BNC2: variants seen among roughly 807,000 people sequenced by gnomAD.
BNC2 encodes basonuclin zinc finger protein 2, also known as zinc finger protein basonuclin-2.
BNC2 carries 20 observed loss-of-function variants against 76.3 expected under a neutral mutation model. The ratio of observed to expected loss-of-function variants is 0.26; its 90% CI spans 0.18 to 0.38. The LOEUF (loss-of-function observed/expected upper bound fraction) is 0.38. Ranked by LOEUF, BNC2 falls within the 10% of genes least tolerant of loss-of-function variation. The pLI is 1.00. For synonymous variants in BNC2, 582 were observed against 514.8 expected (o/e 1.13, Z -1.77); for missense variants, 1,382 against 1,399.8 (o/e 0.99, Z 0.20).
intron 5 of BNC2, among the ~76,000 whole-genome samples, chr9:16,512,902 G>GA (rs1384247132): frequency 6.7e-6 from 1 of 148,594 alleles, no homozygotes; most frequent in Non-Finnish European, 1.5e-5. Flanking sequence ...TTGGGAGGCT[G>GA]AGGGGGGAAG....
intron 1 of BNC2, among the ~76,000 whole-genome samples, chr9:16,853,609 G>A (rs1243038325): frequency 6.6e-6 from 1 of 152,062 alleles, no homozygotes; most frequent in Non-Finnish European, 1.5e-5. Flanking sequence ...GCTCGCGCCT[G>A]CAATCCCACC....
At chr9:16,638,452 G>C (rs1221040868) in intron 3 of BNC2, among the ~76,000 whole-genome samples, 2 of 152,046 alleles carry the variant, frequency 1.3e-5, no homozygotes, top group Non-Finnish European at 2.9e-5. Flanking sequence ...TAACTGTCCA[G>C]CATTAAGAAA....
intron 3 of BNC2, among the ~76,000 whole-genome samples, chr9:16,652,221 T>C (rs1476962642): frequency 1.3e-5 from 2 of 152,344 alleles, no homozygotes; most frequent in East Asian, 1.9e-4. Context: ...AAATAATTAA[T>C]TGAGTCATTG....
chr9:16,755,905 T>C (rs983767770), intron 1 of BNC2, among the ~76,000 whole-genome samples: 19 of 152,336 alleles, frequency 1.2e-4, no homozygotes, highest in African/African-American at 4.6e-4. Flanking sequence ...TCTGAGTCCT[T>C]ACTCTAACCT....
At chr9:16,439,334 T>C (rs1309515042) in intron 5 of BNC2, among the ~76,000 whole-genome samples, 3 of 152,158 alleles carry the variant, frequency 2.0e-5, no homozygotes, top group African/African-American at 4.8e-5. Flanking sequence ...AAACAGTAGA[T>C]AGTACTCTTC....
chr9:16,807,536 G>T (rs1278070929), intron 1 of BNC2, among the ~76,000 whole-genome samples: 1 of 152,124 alleles, frequency 6.6e-6, no homozygotes, highest in Admixed American at 6.5e-5. Flanking sequence ...AATGAAGAAA[G>T]AAAATGAGAA....
chr9:16,614,417 C>T (rs190601576), intron 3 of BNC2, among the ~76,000 whole-genome samples: 2 of 150,650 alleles, frequency 1.3e-5, no homozygotes, highest in Admixed American at 1.3e-4. Context: ...ACTGTGATTG[C>T]TTTTGTTTTA....
chr9:16,696,118 C>A (rs1049395356), intron 3 of BNC2, among the ~76,000 whole-genome samples: 27 of 152,162 alleles, frequency 1.8e-4, no homozygotes, highest in African/African-American at 6.5e-4. Context: ...TGCAATAACC[C>A]TTTAGCAATA....
At chr9:16,848,846 T>C (rs944768437) in intron 1 of BNC2, among the ~76,000 whole-genome samples, 2 of 152,194 alleles carry the variant, frequency 1.3e-5, no homozygotes, top group African/African-American at 4.8e-5. Flanking sequence ...CCTGACACCA[T>C]TGCTTTCTGA....
rs189025708 is a variant in BNC2 at position 16,604,000 on chromosome 9, A to G, written c.331-20915T>C. Among the ~76,000 whole-genome samples, 1,135 of 152,314 alleles carry G rather than the reference A, an allele frequency of 7.5e-3. 16 individuals are homozygous for G. Among genetic ancestry groups the G allele is most frequent in the Middle Eastern group, 0.031 (9 of 294 alleles). On this transcript the variant is annotated intron_variant, in intron 3 of 6. Coordinates refer to ENST00000380672, the MANE Select transcript of BNC2 (RefSeq NM_017637.6). Reference sequence around the variant, plus strand: ...TACAAAAGAATGTAAACTCTAGTAAATAAAACTTTACATGAGTTTGTATAC... The same window carrying G: ...TACAAAAGAATGTAAACTCTAGTAAGTAAAACTTTACATGAGTTTGTATAC...
chr9:16,858,032 T>C (rs938710560), intron 1 of BNC2, among the ~76,000 whole-genome samples: 1 of 152,226 alleles, frequency 6.6e-6, no homozygotes, highest in African/African-American at 2.4e-5. Flanking sequence ...TATACCAGAT[T>C]TGAACATGGT....
At chr9:16,684,250 T>C (rs1822910945) in intron 3 of BNC2, among the ~76,000 whole-genome samples, 1 of 152,152 alleles carries the variant, frequency 6.6e-6, no homozygotes, top group Admixed American at 6.5e-5. Context: ...AGGTCAAGGA[T>C]CAGACTACTC....
intron 5 of BNC2, among the ~76,000 whole-genome samples, chr9:16,540,467 G>A (rs1269093697): frequency 6.6e-6 from 1 of 152,094 alleles, no homozygotes; most frequent in Non-Finnish European, 1.5e-5. Context: ...TTGGGCACAT[G>A]AGTATAGGGT....
At chr9:16,421,784 T>C (rs1399091406) in intron 6 of BNC2, among the ~76,000 whole-genome samples, 1 of 152,218 alleles carries the variant, frequency 6.6e-6, no homozygotes, top group Non-Finnish European at 1.5e-5. Flanking sequence ...TACAAGAATG[T>C]GGAAGTAGAG....
At chr9:16,794,001 C>G (rs1168968600) in intron 1 of BNC2, among the ~76,000 whole-genome samples, 1 of 151,872 alleles carries the variant, frequency 6.6e-6, no homozygotes, top group Admixed American at 6.6e-5. Flanking sequence ...CGCGCCGGGC[C>G]TTGCCTTTCA....
intron 1 of BNC2, among the ~76,000 whole-genome samples, chr9:16,801,668 A>G (rs764926766): frequency 2.6e-5 from 4 of 151,994 alleles, no homozygotes; most frequent in Non-Finnish European, 5.9e-5. Flanking sequence ...ATACTTTACA[A>G]AGGAGTGAGA....
intron 4 of BNC2, among the ~76,000 whole-genome samples, chr9:16,556,370 C>T (rs561228512): frequency 7.9e-5 from 12 of 152,050 alleles, no homozygotes; most frequent in African/African-American, 2.7e-4. Flanking sequence ...GATGAAAAGG[C>T]GGACTAGATA....
intron 1 of BNC2, among the ~76,000 whole-genome samples, chr9:16,811,233 A>AAAAAAAAAAAC (rs1358699282): frequency 6.8e-6 from 1 of 146,792 alleles, no homozygotes; most frequent in Non-Finnish European, 1.5e-5. Flanking sequence ...AAAAGACCAA[A>AAAAAAAAAAAC]AAAAAAAAAA....
intron 1 of BNC2, among the ~76,000 whole-genome samples, chr9:16,767,182 C>T (rs1020363303): frequency 2.6e-5 from 4 of 152,202 alleles, no homozygotes; most frequent in Admixed American, 6.5e-5. Flanking sequence ...ATGGTAGACT[C>T]TCTCCATATT....
Sources: gnomAD v4.1 joint callset for allele counts (sites outside exome capture counted in the v4.1 genomes callset) on GRCh38, gnomAD v4.1.1 for gene constraint, MANE v1.5 for transcripts, NCBI Gene and HGNC (gene_info 2026-07-23, HGNC 2026-07-21) for gene names.